SHLD1: variants seen among roughly 807,000 people sequenced by gnomAD.
SHLD1 encodes shieldin complex subunit 1, also known as RINN1-REV7-interacting novel NHEJ regulator 3.
A neutral mutation model predicts 5.5 loss-of-function variants in SHLD1; 3 were observed. That is an observed-to-expected ratio of 0.54 (90% CI 0.25 to 1.40). SHLD1 has a LOEUF of 1.40. SHLD1 is among the 40% of genes most tolerant of loss of function. The pLI is 0.15. For missense variants in SHLD1, 210 were observed against 244.4 expected (o/e 0.86, Z 0.94); for synonymous variants, 92 against 94.3 (o/e 0.98, Z 0.14).
chr20:5,767,975 CTTT>C (rs71197793), intron 1 of SHLD1, among the ~76,000 whole-genome samples: 39 of 134,670 alleles, frequency 2.9e-4, no homozygotes, highest in African/African-American at 9.1e-4. Context: ...GTGACGAATT[CTTT>C]TTTTTTTTTT....
intron 2 of SHLD1, among the ~76,000 whole-genome samples, chr20:5,825,907 A>G (rs1229753129): frequency 2.0e-5 from 3 of 152,230 alleles, no homozygotes; most frequent in Non-Finnish European, 4.4e-5. Context: ...AGAACTGAGT[A>G]TTATGCAACT....
At chr20:5,849,224 G>A (rs1483916808) in intron 2 of SHLD1, among the ~76,000 whole-genome samples, 1 of 152,158 alleles carries the variant, frequency 6.6e-6, no homozygotes, top group Non-Finnish European at 1.5e-5. Context: ...GTGTTACGAC[G>A]CAGCAGGGAA....
At chr20:5,825,471 C>T (rs1468070410) in intron 2 of SHLD1, among the ~76,000 whole-genome samples, 1 of 152,332 alleles carries the variant, frequency 6.6e-6, no homozygotes, top group South Asian at 2.1e-4. Flanking sequence ...TTTTCCCTTT[C>T]TGTCTTTTTC....
At chr20:5,791,272 A>G (rs1050945293) in intron 2 of SHLD1, among the ~76,000 whole-genome samples, 9 of 152,008 alleles carry the variant, frequency 5.9e-5, no homozygotes, top group Non-Finnish European at 1.2e-4. Context: ...AGTTATAAAA[A>G]GAAGCAAGTC....
chr20:5,836,927 G>A (rs1400806250), intron 2 of SHLD1, among the ~76,000 whole-genome samples: 1 of 152,208 alleles, frequency 6.6e-6, no homozygotes, highest in Non-Finnish European at 1.5e-5. Flanking sequence ...CAAGGATGGA[G>A]CAGGAGAAAT....
rs1364216553 is a variant in SHLD1 at position 5,843,774 on chromosome 20, C to T, written c.179-19250C>T. On this transcript the variant is annotated intron_variant, in intron 2 of 2. Coordinates refer to ENST00000303142, the MANE Select transcript of SHLD1 (RefSeq NM_152504.4). ...AAGGATTTTCAGAATATCTTGTCTA[C>T]CATATTCTTTTGTCAAAAATAAGTA... 3.9e-5 allele frequency among the ~76,000 whole-genome samples: 6 copies of T among 152,316 alleles called. 1 individual carries two copies. The East Asian group carries it at 1.2e-3, about 29-fold the overall frequency.
At chr20:5,756,397 C>T (rs73069132) in intron 1 of SHLD1, among the ~76,000 whole-genome samples, 53,445 of 151,950 alleles carry the variant, frequency 0.35, 10,241 homozygotes, top group Non-Finnish European at 0.44. Flanking sequence ...TTTTGATCCA[C>T]GAACATGGGA....
In SHLD1 at chr20:5,806,644, G is replaced by A. The variant is rs772625051; in HGVS notation, c.178+33601G>A. On this transcript the variant is annotated intron_variant, in intron 2 of 2. Coordinates refer to ENST00000303142, the MANE Select transcript of SHLD1 (RefSeq NM_152504.4). This position sits in a 1 kb window ranked among gnomAD's most constrained non-coding sequence, Gnocchi z 7.6. Reference sequence around the variant, plus strand: ...CCCAGGAGCTGTTGAGGGCAGTGGCGCCTGCTTCTGGCCATGGACAGAGAG... The same window carrying A: ...CCCAGGAGCTGTTGAGGGCAGTGGCACCTGCTTCTGGCCATGGACAGAGAG... Among the ~76,000 whole-genome samples, 32 of 152,212 alleles carry A rather than the reference G, an allele frequency of 2.1e-4. No individual in the cohort carries two copies. The highest frequency in any genetic ancestry group is 4.4e-4 in the Non-Finnish European group (30 of 68,028).
At chr20:5,808,249 C>CAGCCTGGGTGAGAG (rs11267603) in intron 2 of SHLD1, among the ~76,000 whole-genome samples, 5 of 151,700 alleles carry the variant, frequency 3.3e-5, no homozygotes, top group African/African-American at 1.2e-4. Flanking sequence ...CACTGCACTC[C>CAGCCTGGGTGAGAG]AGCAAGACTC....
intron 2 of SHLD1, among the ~76,000 whole-genome samples, chr20:5,794,031 G>A (rs1258398254): frequency 2.8e-5 from 4 of 144,974 alleles, no homozygotes; most frequent in Non-Finnish European, 6.1e-5. Flanking sequence ...GGTTTTAGAT[G>A]TTCCCCTCAC....
At chr20:5,779,972 G>GTTTTTTTTT (rs11381238) in intron 2 of SHLD1, among the ~76,000 whole-genome samples, 2 of 81,786 alleles carry the variant, frequency 2.4e-5, no homozygotes, top group African/African-American at 4.9e-5. Flanking sequence ...TACAATTTCT[G>GTTTTTTTTT]TTTTTTTTTT....
Position 5,795,268 on chromosome 20 carries a change from A to AAC in SHLD1, c.178+22238_178+22239dup, listed in dbSNP as rs976955956. On this transcript the variant is annotated intron_variant, in intron 2 of 2. Transcript: ENST00000303142. ...AAAACAAAAACAAAACAAAACAAAA[A>AAC]ACACACACACACACGCAAAACCAAA... 3.3e-4 allele frequency among the ~76,000 whole-genome samples: 50 copies of AAC among 150,626 alleles called. 1 individual carries two copies. In the East Asian group the frequency reaches 6.4e-3, roughly 19 times the overall value.
chr20:5,782,024 T>C (rs2086995590), intron 2 of SHLD1, among the ~76,000 whole-genome samples: 1 of 152,186 alleles, frequency 6.6e-6, no homozygotes. Context: ...GCTTTTAGGC[T>C]GAGCCAACTG....
intron 2 of SHLD1, among the ~76,000 whole-genome samples, chr20:5,784,891 T>TA (rs562569329): frequency 4.3e-4 from 65 of 152,304 alleles, no homozygotes; most frequent in African/African-American, 1.5e-3. Flanking sequence ...GTCACAGTTT[T>TA]AAAAAGAAAT....
intron 1 of SHLD1, among the ~76,000 whole-genome samples, chr20:5,764,215 G>GTATATATATATATATATATA (rs1225900197): frequency 3.7e-5 from 4 of 109,568 alleles, no homozygotes; most frequent in African/African-American, 1.4e-4. Flanking sequence ...ATATTTGTGT[G>GTATATATATATATATATATA]TGTGTATATA....
rs574578432 is a variant in SHLD1, at chr20:5,861,577, C to T, written c.179-1447C>T. Among the ~76,000 whole-genome samples, 15 of 152,264 alleles carry T rather than the reference C, an allele frequency of 9.9e-5. No homozygotes were observed. The East Asian group carries it at 1.7e-3, about 18-fold the overall frequency. On this transcript the variant is annotated intron_variant, in intron 2 of 2. Coordinates refer to ENST00000303142, the MANE Select transcript of SHLD1 (RefSeq NM_152504.4). ...TCTTTTAGAATGTGCTGATAACTTC[C>T]GGATAATCTATTTCTCTGATCTTTA...
In SHLD1 at chr20:5,782,338, G is replaced by A. The variant is rs3810571; in HGVS notation, c.178+9295G>A. On this transcript the variant is annotated intron_variant, in intron 2 of 2. Coordinates refer to ENST00000303142, the MANE Select transcript of SHLD1 (RefSeq NM_152504.4). ...AGGCCCAGTCCCACATGTACTGCTAGAGCTTGATAAACTCTGGGTAGCTCA... is the reference window on the plus strand; with the variant it reads ...AGGCCCAGTCCCACATGTACTGCTAAAGCTTGATAAACTCTGGGTAGCTCA... 2.1e-3 allele frequency among the ~76,000 whole-genome samples: 320 copies of A among 152,276 alleles called. 7 individuals are homozygous for A. The highest frequency in any genetic ancestry group is 0.015 in the Admixed American group (230 of 15,276).
At chr20:5,802,197 C>T (rs2087303432) in intron 2 of SHLD1, among the ~76,000 whole-genome samples, 1 of 152,146 alleles carries the variant, frequency 6.6e-6, no homozygotes, top group Non-Finnish European at 1.5e-5. Flanking sequence ...CCTTGTATTG[C>T]TGCTTATTTT....
At chr20:5,821,416 G>A (rs2087604613) in intron 2 of SHLD1, among the ~76,000 whole-genome samples, 2 of 152,176 alleles carry the variant, frequency 1.3e-5, no homozygotes, top group Admixed American at 6.5e-5. Flanking sequence ...AGGAGGTTGA[G>A]GCACGAGAAT....
Sources: allele counts gnomAD v4.1 joint callset (sites outside exome capture counted in the v4.1 genomes callset), GRCh38; gene constraint gnomAD v4.1.1; non-coding constraint Gnocchi (gnomAD v3.1); transcripts MANE v1.5; gene names NCBI Gene and HGNC (gene_info 2026-07-23, HGNC 2026-07-21).